Variants in NKAIN3 observed in about 807,000 individuals in gnomAD.
The protein encoded by NKAIN3 is sodium/potassium-transporting ATPase subunit beta-1-interacting protein 3.
Under a neutral mutation model 30.2 loss-of-function variants are expected in NKAIN3, and 25 were observed. That is an observed-to-expected ratio of 0.83 (90% CI 0.60 to 1.16). NKAIN3 has a LOEUF of 1.16. Among genes scored for constraint, NKAIN3 ranks in the 50% most tolerant of loss-of-function variants. NKAIN3 has a pLI of 0.00. For missense variants in NKAIN3, 225 were observed against 254.1 expected, an observed-to-expected ratio of 0.89 and a Z score of 0.78; for synonymous variants, 91 against 89.6, an observed-to-expected ratio of 1.02 and a Z score of -0.09.
intron 3 of NKAIN3, among the ~76,000 whole-genome samples, chr8:62,698,681 T>C (rs1012512003): frequency 6.6e-6 from 1 of 152,200 alleles, no homozygotes; most frequent in Non-Finnish European, 1.5e-5. Context: ...AGATTTTAGC[T>C]CGTGGCTATA....
At chr8:62,686,670 C>T (rs1031077594) in intron 3 of NKAIN3, among the ~76,000 whole-genome samples, 6 of 151,940 alleles carry the variant, frequency 3.9e-5, no homozygotes, top group East Asian at 1.9e-4. Flanking sequence ...TTTTTCATTT[C>T]GAGTCCATCT....
At chr8:62,339,452 A>G (rs1815669725) in intron 1 of NKAIN3, among the ~76,000 whole-genome samples, 1 of 152,046 alleles carries the variant, frequency 6.6e-6, no homozygotes, top group Non-Finnish European at 1.5e-5. Context: ...CACTGGGCTT[A>G]TTCCTTTTGA....
intron 3 of NKAIN3, among the ~76,000 whole-genome samples, chr8:62,724,679 G>A (rs558439325): frequency 8.6e-5 from 13 of 151,954 alleles, no homozygotes; most frequent in Admixed American, 2.0e-4. Context: ...ATGACTTCCA[G>A]TTCCATCCAT....
At chr8:62,561,679 T>G (rs1407513659) in intron 1 of NKAIN3, among the ~76,000 whole-genome samples, 1 of 152,142 alleles carries the variant, frequency 6.6e-6, no homozygotes, top group Non-Finnish European at 1.5e-5. Flanking sequence ...ACTCACTTCA[T>G]AGAGTTTCTA....
At chr8:62,679,822 C>T (rs1813596572) in intron 3 of NKAIN3, among the ~76,000 whole-genome samples, 3 of 152,120 alleles carry the variant, frequency 2.0e-5, no homozygotes, top group African/African-American at 7.2e-5. Flanking sequence ...GCCCTACCTC[C>T]AACACTGGGG....
At chr8:62,840,139 T>C (rs1009756324) in intron 4 of NKAIN3, among the ~76,000 whole-genome samples, 2 of 152,184 alleles carry the variant, frequency 1.3e-5, no homozygotes, top group Admixed American at 6.6e-5. Context: ...TCAGCCTTAC[T>C]GTTATCACTA....
At chr8:62,865,085 T>C (rs1327640755) in intron 4 of NKAIN3, among the ~76,000 whole-genome samples, 1 of 151,580 alleles carries the variant, frequency 6.6e-6, no homozygotes, top group East Asian at 2.0e-4. Context: ...AAAAATACGC[T>C]ATGTTGGGGA....
At chr8:62,870,602 T>C (rs1296223553) in intron 4 of NKAIN3, among the ~76,000 whole-genome samples, 2 of 123,828 alleles carry the variant, frequency 1.6e-5, no homozygotes, top group African/African-American at 6.4e-5. Flanking sequence ...ATACAACATA[T>C]ACATATACAA....
chr8:62,548,480 T>C (rs1418826071), intron 1 of NKAIN3, among the ~76,000 whole-genome samples: 2 of 152,144 alleles, frequency 1.3e-5, no homozygotes, highest in Non-Finnish European at 2.9e-5. Context: ...TCGGGGGTCA[T>C]TACGCTGCAC....
chr8:62,507,844 A>G (rs1189286216), intron 1 of NKAIN3, among the ~76,000 whole-genome samples: 1 of 152,228 alleles, frequency 6.6e-6, no homozygotes, highest in African/African-American at 2.4e-5. Context: ...AAGGGATGGC[A>G]GAAAGGACAC....
chr8:62,314,480 G>A (rs1021576948), intron 1 of NKAIN3, among the ~76,000 whole-genome samples: 2 of 152,150 alleles, frequency 1.3e-5, no homozygotes, highest in African/African-American at 4.8e-5. Context: ...TTACTTCCTT[G>A]ATTCTAGTGT....
chr8:62,464,737 T>C (rs1806103411), intron 1 of NKAIN3, among the ~76,000 whole-genome samples: 1 of 152,226 alleles, frequency 6.6e-6, no homozygotes, highest in Admixed American at 6.5e-5. Flanking sequence ...TCCAGTTTTT[T>C]AGTCCTGACT....
chr8:62,322,082 G>A (rs563436076), intron 1 of NKAIN3, among the ~76,000 whole-genome samples: 3 of 152,250 alleles, frequency 2.0e-5, no homozygotes, highest in Non-Finnish European at 4.4e-5. Flanking sequence ...CTCAGACTGC[G>A]TGCTAGAAAT....
intron 5 of NKAIN3, among the ~76,000 whole-genome samples, chr8:62,921,378 G>T (rs1586349490): frequency 6.6e-6 from 1 of 152,094 alleles, no homozygotes; most frequent in African/African-American, 2.4e-5. Context: ...GCTGAAAACT[G>T]CCAGCCAGCC....
chr8:62,938,027 C>T (rs1401593945), intron 5 of NKAIN3, among the ~76,000 whole-genome samples: 1 of 152,064 alleles, frequency 6.6e-6, no homozygotes, highest in Non-Finnish European at 1.5e-5. Flanking sequence ...CAACTCCATA[C>T]CCCACAGCAG....
chr8:62,711,544 A>G (rs1287729613), intron 3 of NKAIN3, among the ~76,000 whole-genome samples: 2 of 151,944 alleles, frequency 1.3e-5, no homozygotes, highest in Non-Finnish European at 2.9e-5. Flanking sequence ...GACTTTCCAG[A>G]GCATTTTGCA....
rs1272026685 is a variant in NKAIN3 at position 62,974,793 on chromosome 8, T to G, written c.*9386T>G. ...TGCCCATTCAGTGTGATATTGGCTG[T>G]GGGTTTGTCATAACAGCTCTTATTA... is the stretch of plus-strand genomic sequence containing the variant. On this transcript the variant is annotated 3_prime_UTR_variant, in exon 7 of 7. Transcript: ENST00000623646. Among the ~76,000 whole-genome samples the G allele has an allele frequency of 5.3e-5, 8 of 152,202 alleles. No individual in the cohort carries two copies. Among genetic ancestry groups the G allele is most frequent in the African/African-American group, 1.7e-4 (7 of 41,454 alleles).
At chr8:62,882,126 T>A (rs1821000608) in intron 4 of NKAIN3, among the ~76,000 whole-genome samples, 1 of 152,090 alleles carries the variant, frequency 6.6e-6, no homozygotes, top group Non-Finnish European at 1.5e-5. Context: ...GTTTTAAGAG[T>A]TATTTGTATA....
chr8:62,724,340 A>G (rs1262127731), intron 3 of NKAIN3, among the ~76,000 whole-genome samples: 2 of 152,104 alleles, frequency 1.3e-5, no homozygotes, highest in Non-Finnish European at 2.9e-5. Flanking sequence ...CTTCAGAGTA[A>G]ATGAGATATC....
Sources: allele counts gnomAD v4.1 joint callset (sites outside exome capture counted in the v4.1 genomes callset), GRCh38; gene constraint gnomAD v4.1.1; transcripts MANE v1.5; gene names NCBI Gene and HGNC (gene_info 2026-07-23, HGNC 2026-07-21).